The following CPS1 variants were observed in gnomAD, a reference collection of about 807,000 sequenced individuals.
The protein encoded by CPS1 is carbamoyl-phosphate synthase [ammonia], mitochondrial.
In CPS1, 109 loss-of-function variants were observed where a neutral mutation model predicts 174.6. The ratio of observed to expected loss-of-function variants is 0.62; its 90% CI spans 0.53 to 0.73. CPS1 has a LOEUF of 0.73. Among genes scored for constraint, CPS1 ranks in the 30% least tolerant of loss-of-function variants. The pLI is 0.00. For synonymous variants in CPS1, 637 were observed against 632.0 expected, an observed-to-expected ratio of 1.01 and a Z score of -0.12; for missense variants, 1,689 against 1,821.9, an observed-to-expected ratio of 0.93 and a Z score of 1.33.
chr2:210,484,241 G>T (rs1348208753), intron 1 of CPS1, among the ~76,000 whole-genome samples: 1 of 152,120 alleles, frequency 6.6e-6, no homozygotes, highest in African/African-American at 2.4e-5. Context: ...AGATGGAAGG[G>T]TCAACCTGTG....
At chr2:210,535,924 C>T (rs1475526546) in intron 1 of CPS1, among the ~76,000 whole-genome samples, 7 of 150,830 alleles carry the variant, frequency 4.6e-5, no homozygotes, top group Non-Finnish European at 7.4e-5. Context: ...TGCTGCCCAC[C>T]TACAGACCAT....
At chr2:210,532,760 C>A (rs180715265) in intron 1 of CPS1, among the ~76,000 whole-genome samples, 1 of 152,204 alleles carries the variant, frequency 6.6e-6, no homozygotes, top group East Asian at 1.9e-4. Flanking sequence ...GCCAATAAAA[C>A]AGTTCCTATT....
At chr2:210,564,201 A>G (rs1697202660) in intron 1 of CPS1, among the ~76,000 whole-genome samples, 1 of 152,200 alleles carries the variant, frequency 6.6e-6, no homozygotes, top group African/African-American at 2.4e-5. Context: ...ATGGTGAAAC[A>G]ATAATATCAA....
intron 21 of CPS1, among the ~76,000 whole-genome samples, chr2:210,622,676 A>G (rs1465400081): frequency 2.0e-5 from 3 of 151,436 alleles, no homozygotes; most frequent in African/African-American, 7.3e-5. Flanking sequence ...TGTGAGAAAG[A>G]ACTATTTCAG....
rs146678700 is a variant in CPS1, at chr2:210,563,382, G to C, written c.126+6523G>C. 1.6e-4 allele frequency among the ~76,000 whole-genome samples: 25 copies of C among 152,180 alleles called. 1 individual carries two copies. The East Asian group carries it at 4.4e-3, about 27-fold the overall frequency. On this transcript the variant is annotated intron_variant, in intron 1 of 37. Coordinates refer to ENST00000233072, the MANE Select transcript of CPS1 (RefSeq NM_001875.5). ...ACAATTATATAAATAGGACATTTTA[G>C]GGCAATGCTGTTTACAGTTGACGTA... is the stretch of plus-strand genomic sequence containing the variant.
chr2:210,675,029 A>C (rs1487447770), intron 35 of CPS1, 68 bp downstream of exon 35: 1 of 1,267,216 alleles, frequency 7.9e-7, no homozygotes, highest in African/African-American at 1.5e-5. Context: ...AATATTGCAG[A>C]ATATTGGAAA....
chr2:210,504,989 TG>T (rs1030773696), intron 1 of CPS1, among the ~76,000 whole-genome samples: 1 of 152,004 alleles, frequency 6.6e-6, no homozygotes, highest in Non-Finnish European at 1.5e-5. Context: ...ATAAGGCATT[TG>T]GGAGCTTTTT....
intron 1 of CPS1, among the ~76,000 whole-genome samples, chr2:210,561,524 C>G (rs1474240316): frequency 2.6e-5 from 4 of 152,152 alleles, no homozygotes; most frequent in Admixed American, 6.5e-5. Context: ...CTTCATATTT[C>G]CAACCTGTTC....
chr2:210,570,964 A>T (rs189026902), intron 1 of CPS1, among the ~76,000 whole-genome samples: 193 of 152,076 alleles, frequency 1.3e-3, no homozygotes, highest in African/African-American at 4.5e-3. Context: ...AAAATCTTCA[A>T]CTTCTGTCTT....
chr2:210,504,574 A>C (rs1695229923), intron 1 of CPS1, among the ~76,000 whole-genome samples: 1 of 152,224 alleles, frequency 6.6e-6, no homozygotes, highest in Non-Finnish European at 1.5e-5. Flanking sequence ...CTCTGATTCC[A>C]GGCAATCTGA....
intron 21 of CPS1, among the ~76,000 whole-genome samples, chr2:210,633,140 A>G (rs1463601844): frequency 6.6e-6 from 1 of 152,192 alleles, no homozygotes; most frequent in African/African-American, 2.4e-5. Flanking sequence ...ATCATTCACA[A>G]TCATTATTTT....
chr2:210,538,541 T>A (rs1696318625), intron 1 of CPS1, among the ~76,000 whole-genome samples: 1 of 152,146 alleles, frequency 6.6e-6, no homozygotes. Context: ...CAATAGCAAT[T>A]TCTGTATTGG....
intron 6 of CPS1, among the ~76,000 whole-genome samples, chr2:210,586,536 A>T (rs1271367713): frequency 6.6e-6 from 1 of 152,074 alleles, no homozygotes; most frequent in African/African-American, 2.4e-5. Context: ...CATCTTAAAA[A>T]ATTCTGTGGT....
intron 21 of CPS1, among the ~76,000 whole-genome samples, chr2:210,616,970 T>G (rs1002729200): frequency 5.9e-5 from 9 of 152,036 alleles, no homozygotes; most frequent in Admixed American, 5.2e-4. Context: ...CATTGCTGTA[T>G]ATTGAGGAGA....
intron 1 of CPS1, among the ~76,000 whole-genome samples, chr2:210,557,960 A>G (rs1329587010): frequency 2.0e-5 from 3 of 150,768 alleles, no homozygotes; most frequent in Non-Finnish European, 4.4e-5. Flanking sequence ...TGGGAAAGGA[A>G]TGGGAGTAAA....
intron 1 of CPS1, among the ~76,000 whole-genome samples, chr2:210,487,614 A>T (rs1257771304): frequency 6.6e-6 from 1 of 152,200 alleles, no homozygotes; most frequent in Non-Finnish European, 1.5e-5. Flanking sequence ...CCATGACTTG[A>T]CATTGGTATT....
chr2:210,613,558 A>ATG (rs144670698), intron 20 of CPS1, among the ~76,000 whole-genome samples: 4,855 of 150,312 alleles, frequency 0.032, 240 homozygotes, highest in African/African-American at 0.11. Context: ...TGACATTCAT[A>ATG]TGTGTGTGTG....
intron 1 of CPS1, among the ~76,000 whole-genome samples, chr2:210,571,051 C>T (rs896959445): frequency 1.4e-4 from 22 of 151,834 alleles, no homozygotes; most frequent in Admixed American, 1.1e-3. Context: ...AAGAAACATG[C>T]GAAGCTGATT....
intron 1 of CPS1, among the ~76,000 whole-genome samples, chr2:210,503,825 G>C (rs548466441): frequency 4.6e-5 from 7 of 151,772 alleles, no homozygotes; most frequent in Admixed American, 1.3e-4. Flanking sequence ...GGGAAAAACA[G>C]TCAAAATCCT....
Sources: allele counts gnomAD v4.1 joint callset (sites outside exome capture counted in the v4.1 genomes callset), GRCh38; gene constraint gnomAD v4.1.1; transcripts MANE v1.5; gene names NCBI Gene and HGNC (gene_info 2026-07-23, HGNC 2026-07-21).